The following NAALADL2 variants were observed in gnomAD, a reference collection of about 807,000 sequenced individuals.
NAALADL2 encodes the protein N-acetylated alpha-linked acidic dipeptidase like 2.
NAALADL2 carries 76 observed loss-of-function variants against 87.2 expected under a neutral mutation model. That is an observed-to-expected ratio of 0.87 (90% CI 0.72 to 1.05). The LOEUF (loss-of-function observed/expected upper bound fraction) is 1.05. NAALADL2 is among the 50% of genes least tolerant of loss of function. The pLI, the probability that NAALADL2 is intolerant of heterozygous loss-of-function variation, is 0.00. For missense variants in NAALADL2, 1,089 were observed against 945.8 expected (o/e 1.15, Z -1.99); for synonymous variants, 354 against 331.0 (o/e 1.07, Z -0.75).
intron 1 of NAALADL2, among the ~76,000 whole-genome samples, chr3:175,083,320 T>A (rs1039292523): frequency 6.6e-6 from 1 of 152,176 alleles, no homozygotes; most frequent in African/African-American, 2.4e-5. Flanking sequence ...TGATGCATAT[T>A]TATCTCCCAA....
intron 5 of NAALADL2, among the ~76,000 whole-genome samples, chr3:175,356,436 A>G (rs889004910): frequency 2.0e-5 from 3 of 151,860 alleles, no homozygotes; most frequent in African/African-American, 7.2e-5. Flanking sequence ...ATTAGCTAGC[A>G]TGGTGATGCC....
At chr3:175,024,714 T>C (rs1213770350) in intron 1 of NAALADL2, among the ~76,000 whole-genome samples, 12 of 146,260 alleles carry the variant, frequency 8.2e-5, no homozygotes, top group South Asian at 4.2e-4. Context: ...GCAGTAATTA[T>C]CTTATTTTTT....
At chr3:174,604,280 A>G (rs1027118283) in intron 2 of NAALADL2, among the ~76,000 whole-genome samples, 1 of 152,162 alleles carries the variant, frequency 6.6e-6, no homozygotes. Flanking sequence ...AAATTGTTAT[A>G]TCATCTTGCT....
chr3:174,467,382 C>T (rs1298889731), intron 1 of NAALADL2, among the ~76,000 whole-genome samples: 2 of 151,938 alleles, frequency 1.3e-5, no homozygotes, highest in Non-Finnish European at 2.9e-5. Context: ...ATCACAAGAT[C>T]AGGAATTTGA....
chr3:175,477,557 G>A (rs943303169), intron 9 of NAALADL2, among the ~76,000 whole-genome samples: 12 of 152,004 alleles, frequency 7.9e-5, no homozygotes, highest in South Asian at 2.1e-4. Context: ...CTGTACCTTC[G>A]TTCCTTTGTC....
At chr3:175,092,659 T>C (rs564832474) in intron 1 of NAALADL2, among the ~76,000 whole-genome samples, 131 of 152,086 alleles carry the variant, frequency 8.6e-4, no homozygotes, top group Non-Finnish European at 1.3e-3. Flanking sequence ...TATCATATGT[T>C]GAATATAGAT....
At chr3:175,161,965 T>G (rs1733289399) in intron 2 of NAALADL2, among the ~76,000 whole-genome samples, 1 of 152,178 alleles carries the variant, frequency 6.6e-6, no homozygotes. Context: ...CAGTCATATC[T>G]GGGTGTGACT....
intron 10 of NAALADL2, among the ~76,000 whole-genome samples, chr3:175,616,860 G>A (rs1290792588): frequency 6.6e-6 from 1 of 152,132 alleles, no homozygotes; most frequent in Non-Finnish European, 1.5e-5. Flanking sequence ...CTGCTTTTAA[G>A]GGATATTGTC....
chr3:174,603,050 G>A (rs1343742317), intron 2 of NAALADL2, among the ~76,000 whole-genome samples: 2 of 151,990 alleles, frequency 1.3e-5, no homozygotes, highest in African/African-American at 4.8e-5. Flanking sequence ...ATATTCATCA[G>A]TGATATTGGC....
chr3:175,454,955 G>A (rs936615951), intron 6 of NAALADL2, among the ~76,000 whole-genome samples: 1 of 152,100 alleles, frequency 6.6e-6, no homozygotes, highest in African/African-American at 2.4e-5. Context: ...TATGCACATG[G>A]TGTGGACAGG....
chr3:175,242,724 C>A (rs571409817), intron 3 of NAALADL2, among the ~76,000 whole-genome samples: 3 of 152,324 alleles, frequency 2.0e-5, no homozygotes, highest in African/African-American at 7.2e-5. Flanking sequence ...TCAGCAAATA[C>A]ATTTTGAGTA....
chr3:174,453,788 T>C (rs976771337), intron 1 of NAALADL2, among the ~76,000 whole-genome samples: 1 of 152,120 alleles, frequency 6.6e-6, no homozygotes, highest in Non-Finnish European at 1.5e-5. Flanking sequence ...GGAGAGACCA[T>C]TACCAGCCGC....
chr3:174,642,744 A>T (rs1310961085), intron 2 of NAALADL2, among the ~76,000 whole-genome samples: 1 of 126,628 alleles, frequency 7.9e-6, no homozygotes, highest in Non-Finnish European at 1.7e-5. Context: ...TGCCATGAAA[A>T]AAAACATATA....
chr3:175,266,165 C>T (rs889865335), intron 4 of NAALADL2, among the ~76,000 whole-genome samples: 16 of 150,444 alleles, frequency 1.1e-4, no homozygotes, highest in African/African-American at 3.1e-4. Flanking sequence ...AGAATACACC[C>T]GGTAATCTCA....
intron 1 of NAALADL2, among the ~76,000 whole-genome samples, chr3:175,092,626 A>G (rs1720356136): frequency 6.6e-6 from 1 of 151,912 alleles, no homozygotes. Flanking sequence ...AATAGCATTC[A>G]GAAGAATCAG....
intron 1 of NAALADL2, among the ~76,000 whole-genome samples, chr3:174,955,054 G>A (rs1740953187): frequency 6.6e-6 from 1 of 151,958 alleles, no homozygotes; most frequent in Admixed American, 6.6e-5. Flanking sequence ...ATTACCTTTA[G>A]GAAACGTAAT....
chr3:174,939,445 C>T (rs934802845), intron 1 of NAALADL2, among the ~76,000 whole-genome samples: 4 of 151,950 alleles, frequency 2.6e-5, no homozygotes, highest in Admixed American at 6.6e-5. Flanking sequence ...TAATATGATG[C>T]CTTCAGTTTT....
intron 3 of NAALADL2, among the ~76,000 whole-genome samples, chr3:174,849,880 A>G (rs1426002272): frequency 6.6e-6 from 1 of 150,930 alleles, no homozygotes; most frequent in Non-Finnish European, 1.5e-5. Context: ...TGTACCTATT[A>G]TTTTTGATTG....
chr3:175,102,438 T>C (rs1722373029), intron 2 of NAALADL2, among the ~76,000 whole-genome samples: 1 of 152,224 alleles, frequency 6.6e-6, no homozygotes, highest in African/African-American at 2.4e-5. Flanking sequence ...TCATTTTTCA[T>C]GTATGAATTA....
Sources: allele counts gnomAD v4.1 joint callset (sites outside exome capture counted in the v4.1 genomes callset), GRCh38; gene constraint gnomAD v4.1.1; transcripts MANE v1.5; gene names NCBI Gene and HGNC (gene_info 2026-07-23, HGNC 2026-07-21).